GRIP1: variants seen among roughly 807,000 people sequenced by gnomAD.
GRIP1 encodes glutamate receptor interacting protein 1.
Under a neutral mutation model 129.9 loss-of-function variants are expected in GRIP1, and 45 were observed. The ratio of observed to expected loss-of-function variants is 0.35; its 90% confidence interval spans 0.27 to 0.44. GRIP1 has a LOEUF of 0.44. Among genes scored for constraint, GRIP1 ranks in the 20% least tolerant of loss-of-function variants. The pLI, the probability that GRIP1 is intolerant of heterozygous loss-of-function variation, is 1.00. For missense variants in GRIP1, 1,196 were observed against 1,396.8 expected (o/e 0.86, Z 2.29); for synonymous variants, 530 against 520.8 (o/e 1.02, Z -0.24).
chr12:67,014,810 T>G (rs2042761521), intron 1 of GRIP1, among the ~76,000 whole-genome samples: 1 of 152,214 alleles, frequency 6.6e-6, no homozygotes, highest in African/African-American at 2.4e-5. Context: ...CCTATAAATA[T>G]GCAGTAGGTA....
chr12:66,458,850 G>A lies in GRIP1; in HGVS notation c.1043-2508C>T, dbSNP rs548822293. On this transcript the variant is annotated intron_variant, in intron 9 of 24. Transcript: ENST00000359742. Reference sequence around the variant, plus strand: ...CTGCCTCAAGGCCTTTGCACTTGCTGTTCTTTCCCCAGTTGTTTGTATGAC... The same window carrying A: ...CTGCCTCAAGGCCTTTGCACTTGCTATTCTTTCCCCAGTTGTTTGTATGAC... Among the ~76,000 whole-genome samples the A allele has an allele frequency of 5.9e-5, 9 of 152,304 alleles. No homozygotes were observed. The South Asian group carries it at 1.9e-3, about 32-fold the overall frequency.
chr12:66,699,114 ACAC>A (rs977400916), intron 1 of GRIP1, among the ~76,000 whole-genome samples: 1 of 152,110 alleles, frequency 6.6e-6, no homozygotes. Flanking sequence ...TCATGACTAA[ACAC>A]CATCTTTCCC....
intron 1 of GRIP1, among the ~76,000 whole-genome samples, chr12:66,653,213 A>C (rs1270912044): frequency 6.6e-6 from 1 of 152,160 alleles, no homozygotes; most frequent in Non-Finnish European, 1.5e-5. Flanking sequence ...ATAAAAAAAA[A>C]CCTCTTTCCT....
intron 2 of GRIP1, among the ~76,000 whole-genome samples, chr12:66,564,756 G>A (rs2062682245): frequency 6.6e-6 from 1 of 152,144 alleles, no homozygotes; most frequent in South Asian, 2.1e-4. Flanking sequence ...GTGTAAAAGT[G>A]TTCCTATTTC....
intron 1 of GRIP1, among the ~76,000 whole-genome samples, chr12:66,847,135 A>C (rs952929342): frequency 2.0e-5 from 3 of 152,144 alleles, no homozygotes; most frequent in Non-Finnish European, 4.4e-5. Flanking sequence ...CATTTTAAAA[A>C]CTGTATTACA....
At chr12:67,012,802 C>G (rs1592466075) in intron 1 of GRIP1, among the ~76,000 whole-genome samples, 1 of 152,054 alleles carries the variant, frequency 6.6e-6, no homozygotes, top group Non-Finnish European at 1.5e-5. Context: ...TTCTAACATG[C>G]CCCTATATGT....
chr12:66,545,019 C>G (rs990130265), intron 2 of GRIP1, among the ~76,000 whole-genome samples: 5 of 151,986 alleles, frequency 3.3e-5, no homozygotes, highest in African/African-American at 9.7e-5. Context: ...ATTTAAATTG[C>G]AAATATCACT....
chr12:66,393,169 A>AT (rs60982107), intron 17 of GRIP1, among the ~76,000 whole-genome samples: 59,012 of 78,762 alleles, frequency 0.75, 26,061 homozygotes, highest in East Asian at 0.92. Flanking sequence ...CTTTCTACAG[A>AT]TTTTTTTTTT....
At chr12:66,812,836 A>G (rs2039129477) in intron 1 of GRIP1, among the ~76,000 whole-genome samples, 1 of 152,222 alleles carries the variant, frequency 6.6e-6, no homozygotes, top group Admixed American at 6.5e-5. Flanking sequence ...GAAAACATTA[A>G]AGGCCCTTGA....
chr12:66,581,184 T>C (rs1022402217), intron 2 of GRIP1, among the ~76,000 whole-genome samples: 8 of 152,134 alleles, frequency 5.3e-5, no homozygotes, highest in African/African-American at 7.2e-5. Flanking sequence ...AAGGCAGAAA[T>C]AAAGATGTTC....
intron 1 of GRIP1, among the ~76,000 whole-genome samples, chr12:66,758,051 C>A (rs930579674): frequency 6.6e-6 from 1 of 152,022 alleles, no homozygotes; most frequent in South Asian, 2.1e-4. Context: ...ATTACAAAAT[C>A]TGTGAAAAAA....
chr12:66,646,098 A>G (rs892313197), intron 1 of GRIP1, among the ~76,000 whole-genome samples: 2 of 152,202 alleles, frequency 1.3e-5, no homozygotes, highest in African/African-American at 4.8e-5. Flanking sequence ...TCATCTTTCA[A>G]GAAATTCTAA....
chr12:66,642,254 G>A (rs895256281), intron 1 of GRIP1, among the ~76,000 whole-genome samples: 5 of 152,098 alleles, frequency 3.3e-5, no homozygotes, highest in Admixed American at 6.6e-5. Flanking sequence ...GTTTACAGAA[G>A]AAAAGGGGGA....
intron 1 of GRIP1, among the ~76,000 whole-genome samples, chr12:66,622,254 A>C (rs1349989237): frequency 1.3e-5 from 2 of 152,094 alleles, no homozygotes; most frequent in African/African-American, 4.8e-5. Context: ...GCCCCAAATA[A>C]ATTCCAAACA....
intron 1 of GRIP1, among the ~76,000 whole-genome samples, chr12:66,875,385 C>A (rs1180354629): frequency 6.6e-6 from 1 of 152,062 alleles, no homozygotes; most frequent in Non-Finnish European, 1.5e-5. Flanking sequence ...ATGTTCTGCA[C>A]TGATGTTCTC....
chr12:66,385,441 T>C (rs1316763426), intron 19 of GRIP1, among the ~76,000 whole-genome samples: 1 of 151,686 alleles, frequency 6.6e-6, no homozygotes, highest in Non-Finnish European at 1.5e-5. Context: ...GAGGCTGAGA[T>C]AGGAGAGTCA....
At chr12:66,717,191 A>ATGATGTTCTT (rs1442172867) in intron 1 of GRIP1, among the ~76,000 whole-genome samples, 1 of 152,102 alleles carries the variant, frequency 6.6e-6, no homozygotes, top group Non-Finnish European at 1.5e-5. Flanking sequence ...AAGAACAACA[A>ATGATGTTCTT]CTTATGGCAG....
At chr12:67,031,157 C>T (rs1454285520) in intron 1 of GRIP1, among the ~76,000 whole-genome samples, 1 of 152,126 alleles carries the variant, frequency 6.6e-6, no homozygotes, top group African/African-American at 2.4e-5. Flanking sequence ...AGCTGCCTGT[C>T]CGCTCCCTCA....
chr12:66,707,082 G>A (rs144070992), intron 1 of GRIP1, among the ~76,000 whole-genome samples: 1 of 151,650 alleles, frequency 6.6e-6, no homozygotes, highest in East Asian at 1.9e-4. Context: ...ATGTTCTTTA[G>A]TAGGGAAAAA....
Sources: allele counts gnomAD v4.1 joint callset (sites outside exome capture counted in the v4.1 genomes callset), GRCh38; gene constraint gnomAD v4.1.1; transcripts MANE v1.5; gene names NCBI Gene and HGNC (gene_info 2026-07-23, HGNC 2026-07-21).